Variants in CENPU observed in about 807,000 individuals in gnomAD.
CENPU encodes centromere protein U.
CENPU carries 46 observed loss-of-function variants against 56.7 expected under a neutral mutation model. That is an observed-to-expected ratio of 0.81 (90% CI 0.64 to 1.04). The LOEUF (loss-of-function observed/expected upper bound fraction) is 1.04. CENPU is among the 50% of genes least tolerant of loss of function. The probability of loss-of-function intolerance (pLI) is 0.00; values close to 1 mark genes in which losing one functional copy is unlikely to be tolerated. For synonymous variants in CENPU, 166 were observed against 163.0 expected, an observed-to-expected ratio of 1.02 and a Z score of -0.14; for missense variants, 510 against 490.1, an observed-to-expected ratio of 1.04 and a Z score of -0.38.
At chr4:184,711,550 C>A (rs751256253) in intron 7 of CENPU, among the ~76,000 whole-genome samples, 1 of 152,150 alleles carries the variant, frequency 6.6e-6, no homozygotes, top group Admixed American at 6.5e-5. Flanking sequence ...CAGCCTCCCC[C>A]TCTCCCCTGC....
intron 8 of CENPU, among the ~76,000 whole-genome samples, chr4:184,709,418 T>G (rs1469475508): frequency 6.8e-6 from 1 of 147,620 alleles, no homozygotes; most frequent in African/African-American, 2.5e-5. Flanking sequence ...ACCCGGGAGG[T>G]GGAGGTTTCA....
chr4:184,702,482 T>C (rs1460484089), intron 8 of CENPU, 41 bp from the exon 9 acceptor site: 1 of 1,448,598 alleles, frequency 6.9e-7, no homozygotes. Context: ...CCATGATGGA[T>C]TTTGAAAGGT....
intron 8 of CENPU, among the ~76,000 whole-genome samples, chr4:184,707,518 G>A (rs1208383855): frequency 6.6e-6 from 1 of 152,194 alleles, no homozygotes; most frequent in Non-Finnish European, 1.5e-5. Context: ...CCCCCATGCT[G>A]GAGAATGATG....
At chr4:184,705,914 T>C (rs996816664) in intron 8 of CENPU, among the ~76,000 whole-genome samples, 18 of 152,144 alleles carry the variant, frequency 1.2e-4, no homozygotes, top group Non-Finnish European at 2.6e-4. Flanking sequence ...GTCAACTTCA[T>C]AGAAACAGAA....
chr4:184,728,301 A>C (rs1024301639), intron 3 of CENPU, among the ~76,000 whole-genome samples: 8 of 152,206 alleles, frequency 5.3e-5, no homozygotes, highest in Non-Finnish European at 1.5e-5. Flanking sequence ...CAAAAAATTA[A>C]ACCAAAAGCC....
At chr4:184,722,316 G>A (rs937199685) in intron 4 of CENPU, among the ~76,000 whole-genome samples, 4 of 152,120 alleles carry the variant, frequency 2.6e-5, no homozygotes, top group African/African-American at 9.7e-5. Context: ...ACCTAATGAT[G>A]CATCTTGAAG....
chr4:184,699,640 T>C (rs2150200980), intron 11 of CENPU: 2 of 1,284,718 alleles, frequency 1.6e-6, no homozygotes, highest in South Asian at 2.5e-5. Flanking sequence ...AACTGCTTTC[T>C]CCCACTTAAA....
intron 2 of CENPU, 100 bp from the exon 3 acceptor site, chr4:184,729,135 A>ATTGCTTCCTT: frequency 2.2e-6 from 2 of 913,546 alleles, no homozygotes; most frequent in Non-Finnish European, 3.5e-6. Context: ...CTGCCTAAGG[A>ATTGCTTCCTT]AGCAATCCTT....
At chr4:184,721,976 A>G (rs902995079) in intron 4 of CENPU, among the ~76,000 whole-genome samples, 1 of 152,240 alleles carries the variant, frequency 6.6e-6, no homozygotes, top group African/African-American at 2.4e-5. Context: ...GATCACTCTC[A>G]AGTACAGACC....
intron 1 of CENPU, among the ~76,000 whole-genome samples, chr4:184,731,807 C>G (rs1345766560): frequency 6.6e-6 from 1 of 151,876 alleles, no homozygotes; most frequent in East Asian, 1.9e-4. Flanking sequence ...ATCCTTTTAT[C>G]TGATATAATT....
rs1050685241 is a variant in CENPU, at chr4:184,716,576, T to C, written c.439A>G (p.Thr147Ala). 21 of 1,614,104 alleles carry C rather than the reference T, an allele frequency of 1.3e-5. No homozygotes were observed. The highest frequency in any genetic ancestry group is 1.8e-5 in the Non-Finnish European group (21 of 1,180,056). Residue 147 changes from threonine (T) to alanine (A), a missense_variant, in exon 6 of 13, where the codon ACA becomes GCA. Physicochemically the swap from Thr to Ala is moderately conservative, Grantham distance 58 (BLOSUM62 0). Transcript: ENST00000281453. ...TCTGCTGATTTAACTTTTCTCCTTGTATCACTTTCTTCAATGCTTTCAGAG... is the reference window on the plus strand; with the variant it reads ...TCTGCTGATTTAACTTTTCTCCTTGCATCACTTTCTTCAATGCTTTCAGAG... ...DDSESIEESD[T>A]RRKVKSAEKI...
At position 184,695,284 on chromosome 4, in the gene CENPU, CT is replaced by C. The variant is rs1474555343; in HGVS notation, c.*3del. On this transcript the variant is annotated 3_prime_UTR_variant, in exon 13 of 13. Coordinates refer to ENST00000281453, the MANE Select transcript of CENPU (RefSeq NM_024629.4). ...TATAGGCACATTTTAGTAGACTGCT[CT>C]TCTCATCCCTGGTCAAGGAGCTTCT... 7 of 1,603,096 alleles carry C rather than the reference CT, an allele frequency of 4.4e-6. No individual in the cohort carries two copies. The highest frequency in any genetic ancestry group is 3.3e-5 in the Admixed American group (2 of 59,954).
chr4:184,723,508 G>A (rs1431531181), intron 4 of CENPU, among the ~76,000 whole-genome samples: 7 of 103,222 alleles, frequency 6.8e-5, no homozygotes, highest in East Asian at 1.9e-4. Flanking sequence ...AGTAGAGCAC[G>A]TTTTCCAAAT....
At chr4:184,717,326 G>T in intron 4 of CENPU, 130 bp from the exon 5 acceptor site, 1 of 672,066 alleles carries the variant, frequency 1.5e-6, no homozygotes, top group Non-Finnish European at 2.6e-6. Context: ...TCACATACAA[G>T]TCTGCCACCT....
chr4:184,698,368 G>T (rs1206022928), intron 11 of CENPU: 1 of 152,212 alleles, frequency 6.6e-6, no homozygotes, highest in Non-Finnish European at 1.5e-5. Context: ...ACAAAAAAAT[G>T]AGGGGCAAAG....
At chr4:184,710,557 A>G (rs541556449) in intron 7 of CENPU, among the ~76,000 whole-genome samples, 2 of 152,368 alleles carry the variant, frequency 1.3e-5, no homozygotes, top group African/African-American at 4.8e-5. Context: ...CTTGTAGGAT[A>G]CAGCAAGATT....
At chr4:184,707,833 A>G (rs1760779433) in intron 8 of CENPU, among the ~76,000 whole-genome samples, 1 of 152,216 alleles carries the variant, frequency 6.6e-6, no homozygotes, top group African/African-American at 2.4e-5. Context: ...AGAAGCAGGT[A>G]TTTTAGAATA....
At position 184,716,398 on chromosome 4, in the gene CENPU, G is replaced by A. The variant is rs557667316; in HGVS notation, c.617C>T (p.Ser206Leu). 1.3e-5 allele frequency: 21 copies of A among 1,611,140 alleles called. No individual in the cohort carries two copies. The highest frequency in any genetic ancestry group is 1.6e-4 in the Middle Eastern group (1 of 6,074). Residue 206 changes from serine (S) to leucine (L), a missense_variant and splice_region_variant, in exon 6 of 13, where the codon TCG becomes TTG. Physicochemically the swap from Ser to Leu is moderately radical, Grantham distance 145. Coordinates refer to ENST00000281453, the MANE Select transcript of CENPU (RefSeq NM_024629.4). ...CTAGGGGATGGCAGACGTTCTTACC[G>A]ATTGACTTTCTATTGCCAAGTTCTC... ...EKENLAIESQSKTQKKGKISH... is the reference protein window; with the variant it reads ...EKENLAIESQLKTQKKGKISH...
chr4:184,699,668 C>CTTTTT lies in CENPU; in HGVS notation c.986+1147_986+1151dup, dbSNP rs1554010092. 135 of 1,084,736 alleles carry CTTTTT rather than the reference C, an allele frequency of 1.2e-4. No individual in the cohort carries two copies. In the African/African-American group the frequency reaches 2.0e-3, roughly 16 times the overall value. 67.2% of individuals were successfully genotyped at this position (1,084,736 alleles called of 1,614,324 possible). Reference sequence around the variant, plus strand: ...CACTTAAACTCCTGTGGCAGTCTCTCTTTTTTTTTTGAGACACAGTTTCAC... The same window carrying CTTTTT: ...CACTTAAACTCCTGTGGCAGTCTCTCTTTTTTTTTTTTTTTGAGACACAGTTTCAC... On this transcript the variant is annotated intron_variant, in intron 11 of 12. Coordinates refer to ENST00000281453, the MANE Select transcript of CENPU (RefSeq NM_024629.4).
Sources: gnomAD v4.1 joint callset for allele counts (sites outside exome capture counted in the v4.1 genomes callset) on GRCh38, gnomAD v4.1.1 for gene constraint, MANE v1.5 for transcripts, NCBI Gene and HGNC (gene_info 2026-07-23, HGNC 2026-07-21) for gene names.